Variants in CFAP47 observed in about 807,000 individuals in gnomAD.
CFAP47 encodes the protein cilia and flagella associated protein 47, also known as cilia- and flagella-associated protein 47.
A neutral mutation model predicts 148.1 loss-of-function variants in CFAP47; 29 were observed. The observed-to-expected ratio is 0.20, with a 90% CI of 0.15 to 0.27. CFAP47 has a LOEUF of 0.27. Ranked by LOEUF, CFAP47 falls within the 10% of genes least tolerant of loss-of-function variation. The pLI is 1.00. For synonymous variants in CFAP47, 664 were observed against 577.3 expected (o/e 1.15, Z -2.15); for missense variants, 1,872 against 1,697.5 (o/e 1.10, Z -1.81).
chrX:36,334,113 C>T (rs1941585683), intron 57 of CFAP47, among the ~76,000 whole-genome samples: 1 of 111,782 alleles, frequency 8.9e-6, no homozygotes, highest in South Asian at 3.7e-4. Flanking sequence ...AGCCCTCTCA[C>T]TCTTGACAGT....
chrX:36,251,414 G>A lies in CFAP47; in HGVS notation c.7414G>A (p.Val2472Met). The change falls in exon 49 of 64, where the codon GTG (valine) becomes ATG (methionine). Residue 2472 changes from valine (V) to methionine (M), a missense_variant. Coordinates refer to ENST00000378653, the MANE Select transcript of CFAP47 (RefSeq NM_001304548.2). ...TAAAGAAATTCTGTACCTGATTCAT[G>A]TGCGCCCTTGGAAACGTGGTATATT... is the stretch of plus-strand genomic sequence containing the variant. ...PYKEILYLIH[V>M]RPWKRGILKG... 3 of 503,527 alleles carry A rather than the reference G, an allele frequency of 6.0e-6. No individual in the cohort carries two copies. The highest frequency in any genetic ancestry group is 7.1e-6 in the Non-Finnish European group (2 of 281,854). The allele number at this position is 503,527 out of a possible 1,213,427, so 41.5% of individuals were successfully genotyped here.
At chrX:36,052,530 CTT>C (rs56888959) in intron 26 of CFAP47, among the ~76,000 whole-genome samples, 9,144 of 111,334 alleles carry the variant, frequency 0.082, 940 homozygotes, top group African/African-American at 0.28. Flanking sequence ...AACTCATAGA[CTT>C]TGTTGCAAAT....
At chrX:36,373,417 ATTAG>A (rs1388329975) in intron 62 of CFAP47, among the ~76,000 whole-genome samples, 1 of 110,680 alleles carries the variant, frequency 9.0e-6, no homozygotes, top group African/African-American at 3.3e-5. Context: ...GAGATTATGT[ATTAG>A]TTCTAACAGG....
At chrX:36,042,012 T>G (rs945513734) in intron 25 of CFAP47, among the ~76,000 whole-genome samples, 2 of 110,573 alleles carry the variant, frequency 1.8e-5, no homozygotes, top group Non-Finnish European at 3.8e-5. Context: ...TTTCAAGGCT[T>G]GTCTATCATC....
chrX:36,299,434 A>G (rs1277537145), intron 52 of CFAP47, among the ~76,000 whole-genome samples: 1 of 111,706 alleles, frequency 9.0e-6, no homozygotes, highest in Admixed American at 9.6e-5. Flanking sequence ...GGATGCAAAA[A>G]CTGAACAAAT....
At chrX:36,080,112 T>C (rs902815834) in intron 29 of CFAP47, among the ~76,000 whole-genome samples, 3 of 111,251 alleles carry the variant, frequency 2.7e-5, no homozygotes, top group African/African-American at 9.8e-5. Context: ...CATCAAAAAG[T>C]GGGCAAAGGA....
chrX:36,327,766 A>G (rs1941529576), intron 57 of CFAP47, among the ~76,000 whole-genome samples: 1 of 112,401 alleles, frequency 8.9e-6, no homozygotes, highest in Non-Finnish European at 1.9e-5. Flanking sequence ...GTACATATAT[A>G]TCATGCAGCA....
chrX:36,197,108 A>G (rs1228133559), intron 42 of CFAP47, among the ~76,000 whole-genome samples: 1 of 111,947 alleles, frequency 8.9e-6, no homozygotes, highest in African/African-American at 3.2e-5. Flanking sequence ...TAATACAAAG[A>G]ATATATTGAT....
intron 57 of CFAP47, among the ~76,000 whole-genome samples, chrX:36,333,171 T>A (rs1456193498): frequency 9.0e-6 from 1 of 111,394 alleles, no homozygotes; most frequent in African/African-American, 3.3e-5. Context: ...TTTTGGGTCA[T>A]CCTTCATCTT....
Position 36,201,739 on chromosome X carries a change from C to A in CFAP47, c.6663+239C>A, listed in dbSNP as rs188007413. ...AGGCATTACAGTGTAGTCATTAATT[C>A]ACAGTAGTTTTCACTTCTGTTTGCA... On this transcript the variant is annotated intron_variant, in intron 44 of 63. Transcript: ENST00000378653. Among the ~76,000 whole-genome samples the A allele has an allele frequency of 6.3e-4, 70 of 111,394 alleles. No homozygotes were observed. In the East Asian group the frequency reaches 0.018, roughly 28 times the overall value.
chrX:36,133,711 C>T (rs1006737275), intron 33 of CFAP47, among the ~76,000 whole-genome samples: 24 of 108,262 alleles, frequency 2.2e-4, no homozygotes, highest in African/African-American at 8.1e-4. Flanking sequence ...ATAGCAATAC[C>T]TTATAGAACA....
chrX:36,255,994 G>C (rs16987428), intron 49 of CFAP47, among the ~76,000 whole-genome samples: 4,939 of 111,903 alleles, frequency 0.044, 306 homozygotes, highest in African/African-American at 0.15. Flanking sequence ...AGGTGTGAGA[G>C]AGATAATGTG....
At chrX:36,210,748 C>T (rs1367129756) in intron 45 of CFAP47, among the ~76,000 whole-genome samples, 2 of 112,004 alleles carry the variant, frequency 1.8e-5, no homozygotes, top group Non-Finnish European at 3.8e-5. Context: ...TCTTGTTGCT[C>T]TTGCTTTTGA....
intron 37 of CFAP47, among the ~76,000 whole-genome samples, 159 bp downstream of exon 37, chrX:36,149,382 C>T (rs1243685195): frequency 1.8e-5 from 2 of 110,793 alleles, no homozygotes; most frequent in African/African-American, 3.3e-5. Context: ...TACAATTCCT[C>T]ACCAAAGTTG....
intron 13 of CFAP47, among the ~76,000 whole-genome samples, chrX:35,973,246 G>GT (rs1266220654): frequency 9.0e-6 from 1 of 111,400 alleles, no homozygotes; most frequent in Non-Finnish European, 1.9e-5. Context: ...CTGGAGTGCA[G>GT]TGGTGTGATC....
At chrX:36,129,603 A>C (rs939549405) in intron 33 of CFAP47, among the ~76,000 whole-genome samples, 2 of 111,520 alleles carry the variant, frequency 1.8e-5, no homozygotes, top group Non-Finnish European at 1.9e-5. Context: ...GTTTCAAAAC[A>C]AAATTCGAAA....
chrX:36,227,534 T>A (rs2146899871), intron 45 of CFAP47, among the ~76,000 whole-genome samples: 1 of 112,184 alleles, frequency 8.9e-6, no homozygotes, highest in Admixed American at 9.5e-5. Context: ...GCATAGAATG[T>A]TCTTGCGTAT....
At chrX:36,251,026 T>C (rs1043494674) in intron 48 of CFAP47, among the ~76,000 whole-genome samples, 3 of 111,535 alleles carry the variant, frequency 2.7e-5, no homozygotes, top group Non-Finnish European at 5.7e-5. Context: ...TGATGAGAGC[T>C]ATTCAGACTT....
intron 52 of CFAP47, among the ~76,000 whole-genome samples, chrX:36,300,584 C>T (rs1460987379): frequency 1.8e-5 from 2 of 111,710 alleles, no homozygotes; most frequent in Non-Finnish European, 3.8e-5. Context: ...CCACCACGTC[C>T]GGTCCCCAGT....
Sources: gnomAD v4.1 joint callset for allele counts (sites outside exome capture counted in the v4.1 genomes callset) on GRCh38, gnomAD v4.1.1 for gene constraint, MANE v1.5 for transcripts, NCBI Gene and HGNC (gene_info 2026-07-23, HGNC 2026-07-21) for gene names.